The following CDH13 variants were observed in gnomAD, a reference collection of about 807,000 sequenced individuals.
The protein encoded by CDH13 is cadherin-13.
A neutral mutation model predicts 63.8 loss-of-function variants in CDH13; 24 were observed. The ratio of observed to expected loss-of-function variants is 0.38; its 90% CI spans 0.27 to 0.53. The LOEUF is 0.53. Among genes scored for constraint, CDH13 ranks in the 20% least tolerant of loss-of-function variants. CDH13 has a pLI of 0.85. For missense variants in CDH13, 1,049 were observed against 903.1 expected (o/e 1.16, Z -2.07); for synonymous variants, 503 against 355.3 (o/e 1.42, Z -4.67).
At chr16:83,723,005 A>G (rs984987336) in intron 10 of CDH13, among the ~76,000 whole-genome samples, 80 of 152,318 alleles carry the variant, frequency 5.3e-4, no homozygotes, top group African/African-American at 1.9e-3. Flanking sequence ...GTTTCACAGT[A>G]ACTAGAGCTG....
chr16:83,081,823 A>T (rs2033275729), intron 3 of CDH13, among the ~76,000 whole-genome samples: 1 of 151,628 alleles, frequency 6.6e-6, no homozygotes, highest in Non-Finnish European at 1.5e-5. Context: ...TTTTTGAGAC[A>T]GAGTTTGGCT....
chr16:83,766,974 T>C (rs1914431707), intron 11 of CDH13, among the ~76,000 whole-genome samples: 1 of 152,168 alleles, frequency 6.6e-6, no homozygotes, highest in Admixed American at 6.5e-5. Flanking sequence ...GTAAGTTTCC[T>C]GAGGCCTCCC....
intron 3 of CDH13, 112 bp downstream of exon 3, chr16:83,032,330 T>A: frequency 1.2e-6 from 1 of 809,500 alleles, no homozygotes; most frequent in East Asian, 2.7e-5. Flanking sequence ...CCTTTTGTTA[T>A]TGTTGTTGCA....
At chr16:83,014,236 C>T (rs1914451770) in intron 2 of CDH13, among the ~76,000 whole-genome samples, 1 of 151,102 alleles carries the variant, frequency 6.6e-6, no homozygotes, top group African/African-American at 2.4e-5. Context: ...ACACTCTCTT[C>T]CAACCATCAG....
At chr16:83,493,803 C>G (rs1049928490) in intron 7 of CDH13, among the ~76,000 whole-genome samples, 1 of 152,184 alleles carries the variant, frequency 6.6e-6, no homozygotes, top group Non-Finnish European at 1.5e-5. Flanking sequence ...AGAGCTGTGA[C>G]TTGGACAGAA....
intron 6 of CDH13, among the ~76,000 whole-genome samples, chr16:83,351,169 T>G (rs1321870843): frequency 6.6e-6 from 1 of 152,286 alleles, no homozygotes; most frequent in East Asian, 1.9e-4. Flanking sequence ...ACCCATTGAC[T>G]GTTAATTTTT....
At chr16:82,888,429 G>A (rs1422822088) in intron 2 of CDH13, among the ~76,000 whole-genome samples, 1 of 152,186 alleles carries the variant, frequency 6.6e-6, no homozygotes, top group Non-Finnish European at 1.5e-5. Context: ...TGAAGGGACT[G>A]GACTAGAAAC....
intron 2 of CDH13, among the ~76,000 whole-genome samples, chr16:82,935,029 C>T (rs187780242): frequency 3.2e-4 from 48 of 152,306 alleles, no homozygotes; most frequent in Admixed American, 3.9e-4. Context: ...CCCGCTCCCT[C>T]GGTACCAATT....
At chr16:82,680,177 C>T (rs1211839425) in intron 1 of CDH13, among the ~76,000 whole-genome samples, 3 of 152,164 alleles carry the variant, frequency 2.0e-5, no homozygotes, top group Admixed American at 6.5e-5. Context: ...TGGACAGTGC[C>T]ATGAGCAGCT....
chr16:82,880,528 G>C (rs898453632), intron 2 of CDH13, among the ~76,000 whole-genome samples: 3 of 152,128 alleles, frequency 2.0e-5, no homozygotes, highest in African/African-American at 7.2e-5. Context: ...GTAGCAAATT[G>C]CTTTGTTTTT....
chr16:83,310,291 G>C (rs566164078), intron 5 of CDH13, among the ~76,000 whole-genome samples: 7 of 152,212 alleles, frequency 4.6e-5, no homozygotes, highest in Non-Finnish European at 1.0e-4. Flanking sequence ...AGCAGTCTAA[G>C]ATACGGAGTA....
intron 7 of CDH13, among the ~76,000 whole-genome samples, chr16:83,557,397 G>C (rs1283232863): frequency 6.6e-6 from 1 of 152,102 alleles, no homozygotes; most frequent in African/African-American, 2.4e-5. Flanking sequence ...CCCCACTCTG[G>C]TCCGTGGAAA....
intron 4 of CDH13, among the ~76,000 whole-genome samples, chr16:83,194,926 TACAA>T (rs1357354421): frequency 6.6e-6 from 1 of 152,178 alleles, no homozygotes; most frequent in African/African-American, 2.4e-5. Context: ...TGCTTTGACA[TACAA>T]ACCCATAACA....
chr16:83,186,043 T>G, intron 4 of CDH13, among the ~76,000 whole-genome samples: 1 of 152,092 alleles, frequency 6.6e-6, no homozygotes, highest in East Asian at 1.9e-4. Context: ...AGTCATTAAA[T>G]TAGCTCTTTT....
intron 7 of CDH13, among the ~76,000 whole-genome samples, chr16:83,534,253 G>GTTCA (rs2075140950): frequency 6.6e-6 from 1 of 152,166 alleles, no homozygotes; most frequent in Non-Finnish European, 1.5e-5. Context: ...GTTCATGGTG[G>GTTCA]TTCAGAGGCA....
chr16:83,457,604 T>C (rs1219009632), intron 6 of CDH13, among the ~76,000 whole-genome samples: 1 of 152,056 alleles, frequency 6.6e-6, no homozygotes, highest in Non-Finnish European at 1.5e-5. Context: ...ACATCCACAG[T>C]AGCAATAAGC....
intron 3 of CDH13, among the ~76,000 whole-genome samples, chr16:83,089,655 C>T (rs1331997601): frequency 3.3e-5 from 5 of 152,140 alleles, no homozygotes; most frequent in Non-Finnish European, 7.3e-5. Flanking sequence ...GTTTCTAGAA[C>T]CTGATATAGA....
intron 1 of CDH13, among the ~76,000 whole-genome samples, chr16:82,709,883 A>G (rs754744904): frequency 9.9e-5 from 15 of 152,148 alleles, no homozygotes; most frequent in Admixed American, 2.0e-4. Context: ...AGAGCTGTCC[A>G]AAGAAGGAAT....
At chr16:83,109,211 G>A (rs1355175453) in intron 3 of CDH13, among the ~76,000 whole-genome samples, 1 of 152,138 alleles carries the variant, frequency 6.6e-6, no homozygotes, top group Admixed American at 6.5e-5. Context: ...CAGGGAATGT[G>A]GTCATAAAGA....
Sources: gnomAD v4.1 joint callset for allele counts (sites outside exome capture counted in the v4.1 genomes callset) on GRCh38, gnomAD v4.1.1 for gene constraint, MANE v1.5 for transcripts, NCBI Gene and HGNC (gene_info 2026-07-23, HGNC 2026-07-21) for gene names.